VPS54: variants seen among roughly 807,000 people sequenced by gnomAD.
VPS54 encodes the protein VPS54 subunit of GARP complex.
Under a neutral mutation model 121.5 loss-of-function variants are expected in VPS54, and 45 were observed. The observed-to-expected ratio is 0.37, with a 90% confidence interval of 0.29 to 0.47. The LOEUF (loss-of-function observed/expected upper bound fraction) is 0.47, where lower values mean the gene tolerates loss of function less well. Ranked by LOEUF, VPS54 falls within the 20% of genes least tolerant of loss-of-function variation. The pLI is 0.99. For missense variants in VPS54, 1,090 were observed against 1,131.4 expected (o/e 0.96, Z 0.52); for synonymous variants, 371 against 385.8 (o/e 0.96, Z 0.45).
chr2:63,925,379 AAG>A (rs1397051290), intron 12 of VPS54, among the ~76,000 whole-genome samples: 2 of 152,242 alleles, frequency 1.3e-5, no homozygotes, highest in Admixed American at 6.5e-5. Context: ...TGGCAATATT[AAG>A]AGTGAAGGAA....
In VPS54 at chr2:63,994,805, T is replaced by G. The variant is rs568786078; in HGVS notation, c.-20-10786A>C. 1.2e-4 allele frequency among the ~76,000 whole-genome samples: 18 copies of G among 152,344 alleles called. No homozygotes were observed. In the South Asian group the frequency reaches 3.1e-3, roughly 26 times the overall value. ...CTAAAACCTTAATTTGGGAAGATTG[T>G]GTTAACTCACATGCAGTAATGTTTA... On this transcript the variant is annotated intron_variant, in intron 1 of 22. Coordinates refer to ENST00000272322, the MANE Select transcript of VPS54 (RefSeq NM_016516.3).
intron 12 of VPS54, among the ~76,000 whole-genome samples, chr2:63,926,031 T>C (rs1673885282): frequency 6.6e-6 from 1 of 152,242 alleles, no homozygotes; most frequent in South Asian, 2.1e-4. Context: ...TACTTGAAGA[T>C]GGAAGGTGGG....
intron 16 of VPS54, among the ~76,000 whole-genome samples, chr2:63,915,052 G>A (rs930664027): frequency 6.7e-6 from 1 of 149,810 alleles, no homozygotes; most frequent in East Asian, 2.0e-4. Context: ...TGGGGAGGCT[G>A]AGGCAGGAGA....
chr2:64,008,647 C>T (rs893525126), intron 1 of VPS54, among the ~76,000 whole-genome samples: 13 of 152,092 alleles, frequency 8.5e-5, no homozygotes, highest in African/African-American at 3.1e-4. Context: ...TTGCCTCACA[C>T]CCTACTCCTG....
At chr2:63,899,184 T>C (rs1447641582) in intron 21 of VPS54, among the ~76,000 whole-genome samples, 1 of 152,188 alleles carries the variant, frequency 6.6e-6, no homozygotes, top group African/African-American at 2.4e-5. Flanking sequence ...AACAGCGTAA[T>C]AAATGATGTA....
intron 3 of VPS54, among the ~76,000 whole-genome samples, chr2:63,973,194 G>T (rs1433434227): frequency 1.3e-5 from 2 of 152,118 alleles, no homozygotes; most frequent in Admixed American, 1.3e-4. Context: ...TCAACATTTG[G>T]TGTTGTCAGT....
intron 1 of VPS54, among the ~76,000 whole-genome samples, chr2:64,003,896 TTC>T (rs1439497972): frequency 2.0e-5 from 3 of 152,166 alleles, no homozygotes; most frequent in East Asian, 1.9e-4. Context: ...GTGCCCAGAC[TTC>T]TGTTTCTAAA....
At chr2:63,971,084 CCAAG>C (rs1676263971) in intron 4 of VPS54, among the ~76,000 whole-genome samples, 1 of 152,152 alleles carries the variant, frequency 6.6e-6, no homozygotes, top group African/African-American at 2.4e-5. Context: ...ACCCAGTTGT[CCAAG>C]CAAGAAACCT....
intron 1 of VPS54, among the ~76,000 whole-genome samples, chr2:63,997,486 T>C (rs1037345699): frequency 5.9e-5 from 9 of 152,226 alleles, no homozygotes; most frequent in African/African-American, 2.2e-4. Flanking sequence ...TTTATTGGCA[T>C]ACAGTTGCTC....
chr2:63,916,497 A>G (rs1673385536), intron 16 of VPS54, among the ~76,000 whole-genome samples: 1 of 152,124 alleles, frequency 6.6e-6, no homozygotes, highest in African/African-American at 2.4e-5. Flanking sequence ...GTATAGTACT[A>G]TTTTCCACAT....
chr2:63,913,352 A>G, intron 17 of VPS54, 42 bp from the exon 18 acceptor site: 1 of 1,473,942 alleles, frequency 6.8e-7, no homozygotes, highest in Non-Finnish European at 9.3e-7. Context: ...TTTACTAAAA[A>G]CTGTTCTTTA....
intron 12 of VPS54, among the ~76,000 whole-genome samples, chr2:63,930,713 G>C (rs982905121): frequency 6.6e-6 from 1 of 152,146 alleles, no homozygotes; most frequent in Middle Eastern, 3.2e-3. Flanking sequence ...TGGAAAAGAG[G>C]AAGTCAAATT....
At chr2:63,952,722 G>A (rs1232126871) in intron 7 of VPS54, among the ~76,000 whole-genome samples, 1 of 152,032 alleles carries the variant, frequency 6.6e-6, no homozygotes, top group Non-Finnish European at 1.5e-5. Context: ...CTCATAAATG[G>A]CATCAATATC....
At chr2:63,948,282 T>G (rs750058523) in intron 8 of VPS54, among the ~76,000 whole-genome samples, 1 of 152,178 alleles carries the variant, frequency 6.6e-6, no homozygotes, top group Non-Finnish European at 1.5e-5. Flanking sequence ...TGATTAACAC[T>G]GAGAAGTTAC....
intron 1 of VPS54, among the ~76,000 whole-genome samples, chr2:64,005,265 G>A (rs986139470): frequency 1.1e-4 from 17 of 150,004 alleles, no homozygotes; most frequent in South Asian, 2.1e-4. Flanking sequence ...CACCGCGCCC[G>A]GCTAATTTTT....
At chr2:63,991,318 G>T (rs990052674) in intron 1 of VPS54, among the ~76,000 whole-genome samples, 1 of 152,190 alleles carries the variant, frequency 6.6e-6, no homozygotes, top group African/African-American at 2.4e-5. Flanking sequence ...TTTTTCATAT[G>T]TTAGCTTTTG....
chr2:63,929,743 T>A (rs1674095173), intron 12 of VPS54, among the ~76,000 whole-genome samples: 2 of 151,158 alleles, frequency 1.3e-5, no homozygotes, highest in South Asian at 4.2e-4. Context: ...AGCTGGTTTT[T>A]TGAAAAGATC....
intron 11 of VPS54, among the ~76,000 whole-genome samples, chr2:63,934,266 T>C (rs1314267443): frequency 1.3e-5 from 2 of 152,296 alleles, no homozygotes; most frequent in African/African-American, 2.4e-5. Flanking sequence ...AATGGAAATC[T>C]CCCTAAAATA....
chr2:63,898,509 C>G (rs908527383), intron 21 of VPS54, among the ~76,000 whole-genome samples: 4 of 152,006 alleles, frequency 2.6e-5, no homozygotes, highest in Admixed American at 2.0e-4. Context: ...ATGTTAACAG[C>G]TAGTATAGGA....
Sources: gnomAD v4.1 joint callset for allele counts (sites outside exome capture counted in the v4.1 genomes callset) on GRCh38, gnomAD v4.1.1 for gene constraint, MANE v1.5 for transcripts, NCBI Gene and HGNC (gene_info 2026-07-23, HGNC 2026-07-21) for gene names.